The following XRCC5 variants were observed in gnomAD, a reference collection of about 807,000 sequenced individuals.
XRCC5 encodes DNA repair protein Ku80.
In XRCC5, 12 loss-of-function variants were observed where a neutral mutation model predicts 95.7. The ratio of observed to expected loss-of-function variants is 0.13; its 90% CI spans 0.08 to 0.20. The LOEUF is 0.20. XRCC5 is among the 10% of genes least tolerant of loss of function. The pLI, the probability that XRCC5 is intolerant of heterozygous loss-of-function variation, is 1.00. For synonymous variants in XRCC5, 281 were observed against 290.3 expected, an observed-to-expected ratio of 0.97 and a Z score of 0.33; for missense variants, 595 against 873.9, an observed-to-expected ratio of 0.68 and a Z score of 4.02.
intron 14 of XRCC5, among the ~76,000 whole-genome samples, chr2:216,158,133 T>G (rs1211703102): frequency 4.6e-5 from 7 of 152,222 alleles, no homozygotes; most frequent in Non-Finnish European, 8.8e-5. Context: ...AAATTCTTCA[T>G]GTGATTCAAC....
At chr2:216,139,885 A>G (rs1697146375) in intron 12 of XRCC5, among the ~76,000 whole-genome samples, 2 of 152,222 alleles carry the variant, frequency 1.3e-5, no homozygotes, top group East Asian at 1.9e-4. Context: ...AACATTAAAT[A>G]TCTTCTGTTA....
intron 16 of XRCC5, among the ~76,000 whole-genome samples, chr2:216,164,497 AT>A (rs1451751904): frequency 1.3e-5 from 2 of 152,232 alleles, no homozygotes; most frequent in Non-Finnish European, 2.9e-5. Context: ...TTTTGCCAGA[AT>A]TTTCTGAGAG....
chr2:216,167,003 G>T (rs563018238), intron 16 of XRCC5, among the ~76,000 whole-genome samples: 1 of 152,256 alleles, frequency 6.6e-6, no homozygotes, highest in East Asian at 1.9e-4. Context: ...TGTAGTTTCT[G>T]TATTAGGCTT....
At chr2:216,121,418 T>C (rs1696808181) in intron 5 of XRCC5, among the ~76,000 whole-genome samples, 1 of 152,196 alleles carries the variant, frequency 6.6e-6, no homozygotes, top group Non-Finnish European at 1.5e-5. Context: ...CACTAACAGA[T>C]TTGGTGTCTG....
chr2:216,180,917 A>G (rs550066819), intron 16 of XRCC5, among the ~76,000 whole-genome samples: 65 of 151,418 alleles, frequency 4.3e-4, no homozygotes, highest in African/African-American at 1.4e-3. Context: ...GGTTCAAACA[A>G]TTCTCCTGTC....
intron 16 of XRCC5, among the ~76,000 whole-genome samples, chr2:216,165,201 C>T (rs535401887): frequency 1.3e-5 from 2 of 152,308 alleles, no homozygotes; most frequent in African/African-American, 2.4e-5. Context: ...TCCTTTCCTA[C>T]GCTTTTTAAA....
intron 19 of XRCC5, among the ~76,000 whole-genome samples, chr2:216,196,465 G>T (rs1164641477): frequency 6.6e-6 from 1 of 152,106 alleles, no homozygotes; most frequent in Non-Finnish European, 1.5e-5. Context: ...TTCAGTCAAG[G>T]TTCTCCAGAG....
intron 16 of XRCC5, among the ~76,000 whole-genome samples, chr2:216,178,657 T>C (rs959748485): frequency 2.0e-5 from 3 of 152,240 alleles, no homozygotes; most frequent in Non-Finnish European, 4.4e-5. Flanking sequence ...CTCATCCCTG[T>C]ACATCTGCAT....
intron 10 of XRCC5, among the ~76,000 whole-genome samples, chr2:216,136,650 T>A (rs1697085958): frequency 6.6e-6 from 1 of 152,116 alleles, no homozygotes; most frequent in African/African-American, 2.4e-5. Flanking sequence ...CAGAGGATAA[T>A]TTCATTAAGG....
At chr2:216,190,408 C>A in intron 17 of XRCC5, 74 bp downstream of exon 17, 1 of 1,318,856 alleles carries the variant, frequency 7.6e-7, no homozygotes, top group Non-Finnish European at 1.1e-6. Context: ...ATACAGCATC[C>A]TGGAAATGAG....
intron 16 of XRCC5, among the ~76,000 whole-genome samples, chr2:216,178,224 A>T (rs528868859): frequency 1.3e-5 from 2 of 152,344 alleles, no homozygotes; most frequent in African/African-American, 4.8e-5. Context: ...CTGTTTCGAG[A>T]TGATTTACTT....
intron 16 of XRCC5, among the ~76,000 whole-genome samples, chr2:216,167,553 C>T (rs538036521): frequency 1.2e-3 from 176 of 141,950 alleles, no homozygotes; most frequent in African/African-American, 4.3e-3. Flanking sequence ...AAATCTCTCT[C>T]GTGTGTGTGT....
At chr2:216,132,189 T>C in intron 9 of XRCC5, 136 bp from the exon 10 acceptor site, 1 of 744,288 alleles carries the variant, frequency 1.3e-6, no homozygotes, top group Non-Finnish European at 2.3e-6. Flanking sequence ...TGAATTAAAC[T>C]TCAGGTAATA....
At chr2:216,182,094 T>TAGA (rs1348389424) in intron 16 of XRCC5, among the ~76,000 whole-genome samples, 2 of 152,208 alleles carry the variant, frequency 1.3e-5, no homozygotes, top group Non-Finnish European at 2.9e-5. Flanking sequence ...TGAGGCATCC[T>TAGA]AGAAGACTTG....
chr2:216,188,463 A>G (rs999803837), intron 16 of XRCC5, among the ~76,000 whole-genome samples: 8 of 152,260 alleles, frequency 5.3e-5, no homozygotes, highest in Non-Finnish European at 1.0e-4. Flanking sequence ...CAATAAGTAT[A>G]TACTATCAAA....
chr2:216,191,513 C>T (rs773347577), intron 17 of XRCC5, among the ~76,000 whole-genome samples: 20 of 151,766 alleles, frequency 1.3e-4, no homozygotes, highest in African/African-American at 4.1e-4. Context: ...CAGGCTCAAG[C>T]GATTCTCCTG....
chr2:216,141,348 T>C, intron 13 of XRCC5, 29 bp downstream of exon 13: 3 of 1,613,216 alleles, frequency 1.9e-6, no homozygotes, highest in Non-Finnish European at 2.5e-6. Context: ...ACAAGTCATA[T>C]TTCTTTTAAA....
intron 15 of XRCC5, among the ~76,000 whole-genome samples, chr2:216,161,350 CAT>C (rs760250094): frequency 1.0e-3 from 159 of 152,132 alleles, no homozygotes; most frequent in Non-Finnish European, 1.4e-3. Context: ...AGATTAAAAA[CAT>C]AGGTATAATC....
In XRCC5 at chr2:216,141,182, T is replaced by A. The variant is rs571152583; in HGVS notation, c.1343-4T>A. 4 of 1,613,084 alleles carry A rather than the reference T, an allele frequency of 2.5e-6. No homozygotes were observed. The South Asian group carries it at 4.4e-5, about 18-fold the overall frequency. ...TCATTTTTCTTTCGGCTTCTCTGTT[T>A]AAGAGGCACAGTTGAATGCTGTTGA... is the stretch of plus-strand genomic sequence containing the variant. On this transcript the variant is annotated splice_polypyrimidine_tract_variant and splice_region_variant and intron_variant, in intron 12 of 20. Transcript: ENST00000392132.
Sources: allele counts gnomAD v4.1 joint callset (sites outside exome capture counted in the v4.1 genomes callset), GRCh38; gene constraint gnomAD v4.1.1; transcripts MANE v1.5; gene names NCBI Gene and HGNC (gene_info 2026-07-23, HGNC 2026-07-21).